KCNQ5: variants seen among roughly 807,000 people sequenced by gnomAD.
KCNQ5 encodes potassium voltage-gated channel subfamily Q member 5.
KCNQ5 carries 30 observed loss-of-function variants against 98.2 expected under a neutral mutation model. The observed-to-expected ratio is 0.31, with a 90% CI of 0.23 to 0.41. The LOEUF is 0.41. Among genes scored for constraint, KCNQ5 ranks in the 10% least tolerant of loss-of-function variants. The pLI, the probability that KCNQ5 is intolerant of heterozygous loss-of-function variation, is 1.00. For synonymous variants in KCNQ5, 458 were observed against 449.4 expected, an observed-to-expected ratio of 1.02 and a Z score of -0.24; for missense variants, 835 against 1,182.5, an observed-to-expected ratio of 0.71 and a Z score of 4.31.
intron 1 of KCNQ5, among the ~76,000 whole-genome samples, chr6:72,674,828 A>C (rs1767328968): frequency 6.6e-6 from 1 of 152,170 alleles, no homozygotes; most frequent in South Asian, 2.1e-4. Flanking sequence ...TAAGTGTGGC[A>C]AATTATCTTT....
chr6:72,911,005 C>T (rs1363469624), intron 1 of KCNQ5, among the ~76,000 whole-genome samples: 1 of 152,144 alleles, frequency 6.6e-6, no homozygotes, highest in Non-Finnish European at 1.5e-5. Flanking sequence ...CCAGATGAAG[C>T]CCAGGTCAGG....
At chr6:72,666,463 T>C (rs370309989) in intron 1 of KCNQ5, among the ~76,000 whole-genome samples, 1 of 152,320 alleles carries the variant, frequency 6.6e-6, no homozygotes, top group Non-Finnish European at 1.5e-5. Context: ...TTTCGCCAAA[T>C]TTAATAGGCT....
chr6:72,646,435 C>G (rs1232094391), intron 1 of KCNQ5, among the ~76,000 whole-genome samples: 1 of 152,022 alleles, frequency 6.6e-6, no homozygotes, highest in African/African-American at 2.4e-5. Flanking sequence ...ATTTTCCTTA[C>G]CAAATATGAC....
At chr6:73,038,515 A>G (rs1428691165) in intron 2 of KCNQ5, among the ~76,000 whole-genome samples, 2 of 152,090 alleles carry the variant, frequency 1.3e-5, no homozygotes, top group Non-Finnish European at 2.9e-5. Context: ...TGTAAATGCT[A>G]TTTATCGAAT....
At chr6:72,778,503 C>T (rs1322546035) in intron 1 of KCNQ5, among the ~76,000 whole-genome samples, 1 of 150,668 alleles carries the variant, frequency 6.6e-6, no homozygotes, top group African/African-American at 2.4e-5. Context: ...CACGCCACTG[C>T]ACTCCAGCCT....
rs535141179 is a variant in KCNQ5 at position 72,866,405 on chromosome 6, C to T, written c.399-137503C>T. Reference sequence around the variant, plus strand: ...AAGTAGTTGGGACTACAGATGCACACCACCATGCCTGGCTAATTTTTTGTA... The same window carrying T: ...AAGTAGTTGGGACTACAGATGCACATCACCATGCCTGGCTAATTTTTTGTA... On this transcript the variant is annotated intron_variant, in intron 1 of 13. Transcript: ENST00000370398. Among the ~76,000 whole-genome samples the T allele has an allele frequency of 3.3e-5, 5 of 152,104 alleles. No homozygotes were observed. The South Asian group carries it at 1.0e-3, about 32-fold the overall frequency.
chr6:72,802,748 G>C (rs995773436), intron 1 of KCNQ5, among the ~76,000 whole-genome samples: 1 of 152,058 alleles, frequency 6.6e-6, no homozygotes, highest in Non-Finnish European at 1.5e-5. Flanking sequence ...ACCACCAGTT[G>C]AAAATAGAGC....
intron 1 of KCNQ5, among the ~76,000 whole-genome samples, chr6:73,001,058 C>T (rs1769545939): frequency 6.6e-6 from 1 of 152,190 alleles, no homozygotes. Flanking sequence ...CATTTTGTAC[C>T]CTCCTTCTAG....
chr6:72,855,912 A>G (rs1777512052), intron 1 of KCNQ5, among the ~76,000 whole-genome samples: 1 of 152,226 alleles, frequency 6.6e-6, no homozygotes. Flanking sequence ...TTAACCAAGA[A>G]GTTGAATATG....
intron 1 of KCNQ5, among the ~76,000 whole-genome samples, chr6:72,894,219 C>T (rs764187336): frequency 1.4e-4 from 21 of 152,256 alleles, no homozygotes; most frequent in Middle Eastern, 3.4e-3. Context: ...TTACCTTTAA[C>T]GTTTCCTGGG....
intron 1 of KCNQ5, among the ~76,000 whole-genome samples, chr6:72,693,096 G>T (rs1375267512): frequency 6.6e-6 from 1 of 152,136 alleles, no homozygotes; most frequent in Non-Finnish European, 1.5e-5. Flanking sequence ...TTGAAGTATA[G>T]ATTTATGTGT....
chr6:72,910,966 G>A lies in KCNQ5; in HGVS notation c.399-92942G>A, dbSNP rs76017043. On this transcript the variant is annotated intron_variant, in intron 1 of 13. Transcript: ENST00000370398. ...GTGAAAGAGAGGCCTGAGCAAAGAA[G>A]CTCACACACAGGGCCTGTGCCTATG... Among the ~76,000 whole-genome samples the A allele has an allele frequency of 2.1e-3, 324 of 152,234 alleles. 1 individual carries two copies. Among genetic ancestry groups the A allele is most frequent in the African/African-American group, 7.5e-3 (310 of 41,542 alleles).
intron 1 of KCNQ5, among the ~76,000 whole-genome samples, chr6:72,669,432 A>G (rs4403240): frequency 0.95 from 144,686 of 152,280 alleles, 69,151 homozygotes; most frequent in East Asian, 1. Context: ...AATAATCCTC[A>G]TTGACTTTCC....
At chr6:72,628,203 G>A (rs777826029) in intron 1 of KCNQ5, among the ~76,000 whole-genome samples, 4 of 152,178 alleles carry the variant, frequency 2.6e-5, no homozygotes, top group African/African-American at 7.2e-5. Flanking sequence ...AGGGTGAGCC[G>A]AAGCTGAAAG....
intron 1 of KCNQ5, among the ~76,000 whole-genome samples, chr6:72,947,962 A>G (rs1766624588): frequency 2.0e-5 from 3 of 152,266 alleles, no homozygotes; most frequent in African/African-American, 7.2e-5. Context: ...AACATTTTAA[A>G]AAACAGTTTC....
At chr6:72,681,239 C>G (rs1582105689) in intron 1 of KCNQ5, among the ~76,000 whole-genome samples, 3 of 152,298 alleles carry the variant, frequency 2.0e-5, no homozygotes, top group Admixed American at 2.0e-4. Context: ...GCAACGGGGG[C>G]TTGCTGTGTG....
At chr6:72,640,883 T>C (rs1055506658) in intron 1 of KCNQ5, 2 of 152,204 alleles carry the variant, frequency 1.3e-5, no homozygotes, top group African/African-American at 2.4e-5. Context: ...AGGTACTCTA[T>C]AATTCTTAAT....
chr6:72,934,198 C>A (rs1464039868), intron 1 of KCNQ5, among the ~76,000 whole-genome samples: 2 of 152,202 alleles, frequency 1.3e-5, no homozygotes, highest in East Asian at 3.8e-4. Flanking sequence ...AGATAATCTG[C>A]TGAACATACA....
chr6:73,121,649 CA>C (rs1170587310), intron 8 of KCNQ5, among the ~76,000 whole-genome samples: 2 of 152,152 alleles, frequency 1.3e-5, no homozygotes, highest in Non-Finnish European at 2.9e-5. Flanking sequence ...CTGTGACTCA[CA>C]AAAAACCACC....
Sources: gnomAD v4.1 joint callset for allele counts (sites outside exome capture counted in the v4.1 genomes callset) on GRCh38, gnomAD v4.1.1 for gene constraint, MANE v1.5 for transcripts, NCBI Gene and HGNC (gene_info 2026-07-23, HGNC 2026-07-21) for gene names.